The following THOC2 variants were observed in gnomAD, a reference collection of about 807,000 sequenced individuals.
THOC2 encodes THO complex subunit 2, also known as THO complex 2.
THOC2 carries 10 observed loss-of-function variants against 128.4 expected under a neutral mutation model. The ratio of observed to expected loss-of-function variants is 0.08; its 90% CI spans 0.05 to 0.13. The LOEUF is 0.13. Ranked by LOEUF, THOC2 falls within the 10% of genes least tolerant of loss-of-function variation. The pLI is 1.00. For synonymous variants in THOC2, 393 were observed against 396.9 expected, an observed-to-expected ratio of 0.99 and a Z score of 0.12; for missense variants, 535 against 1,155.7, an observed-to-expected ratio of 0.46 and a Z score of 7.79.
Position 123,621,583 on chromosome X carries a change from T to G in THOC2, c.3790A>C (p.Lys1264Gln). The G allele has an allele frequency of 9.0e-7, 1 of 1,110,433 alleles. No individual in the cohort carries two copies. The highest frequency in any genetic ancestry group is 1.2e-6 in the Non-Finnish European group (1 of 831,885). 91.5% of individuals were successfully genotyped at this position (1,110,433 alleles called of 1,213,427 possible). A position where few individuals can be genotyped will look rare whatever the true frequency, so the allele number is the denominator to read the frequency against. ...SNGNSGSNSN[K>Q]AVKENDKEKG... is the part of the protein sequence containing the mutation. ...TCTTTGTCATTTTCTTTAACAGCTT[T>G]GTTGCTTAAGAATAAAAACATGGGA... The change falls in exon 31 of 39, where the codon AAA becomes CAA. Residue 1264 changes from lysine (K) to glutamine (Q), a missense_variant. This residue lies in a region of THOC2 where 116 missense variants were observed against 180.0 expected (regional missense o/e 0.64). Coordinates refer to ENST00000245838, the MANE Select transcript of THOC2 (RefSeq NM_001081550.2).
chrX:123,701,487 GA>G (rs756595635), intron 4 of THOC2, among the ~76,000 whole-genome samples: 60 of 111,205 alleles, frequency 5.4e-4, no homozygotes, highest in Non-Finnish European at 9.8e-4. Flanking sequence ...ACTATGAAGG[GA>G]AAAATATAAT....
Position 123,640,635 on chromosome X carries a change from A to G in THOC2, c.1662-13T>C, listed in dbSNP as rs1278311614. 1.9e-6 allele frequency: 2 copies of G among 1,040,859 alleles called. No individual in the cohort carries two copies. Among genetic ancestry groups the G allele is most frequent in the Non-Finnish European group, 2.6e-6 (2 of 758,305 alleles). The allele number at this position is 1,040,859 out of a possible 1,213,427, so 85.8% of individuals were successfully genotyped here. ...CTTGGTTAGGCGCCTACGGAGGAAG[A>G]AAAAGGTGGCACGGATCATCTTAAG... On this transcript the variant is annotated splice_polypyrimidine_tract_variant and intron_variant, in intron 15 of 38. Transcript: ENST00000245838.
At chrX:123,720,828 T>C (rs763596323) in intron 1 of THOC2, among the ~76,000 whole-genome samples, 24 of 112,183 alleles carry the variant, frequency 2.1e-4, no homozygotes, top group African/African-American at 7.1e-4. Flanking sequence ...ACAAATACTG[T>C]ATGATTCTAC....
intron 12 of THOC2, among the ~76,000 whole-genome samples, chrX:123,658,118 G>A (rs1334508616): frequency 1.8e-5 from 2 of 110,246 alleles, no homozygotes; most frequent in African/African-American, 6.6e-5. Context: ...GTGTTTGAAA[G>A]TGGACTTGGA....
intron 8 of THOC2, among the ~76,000 whole-genome samples, chrX:123,684,730 A>G (rs1253865824): frequency 8.9e-6 from 1 of 111,977 alleles, no homozygotes; most frequent in Non-Finnish European, 1.9e-5. Context: ...CTCCTGCCCA[A>G]AAACCCTACC....
chrX:123,608,068 G>A (rs2046546475), intron 38 of THOC2, among the ~76,000 whole-genome samples: 1 of 110,209 alleles, frequency 9.1e-6, no homozygotes, highest in Non-Finnish European at 1.9e-5. Context: ...GGGCAACATG[G>A]CGAAACCCCG....
chrX:123,724,945 G>A lies in THOC2; in HGVS notation c.71+8007C>T, dbSNP rs1048014442. ...CACAAACAATTAGCAGAGCATGGTAGCACGCGCCTGTGGGCCCAGCTACTC... is the reference window on the plus strand; with the variant it reads ...CACAAACAATTAGCAGAGCATGGTAACACGCGCCTGTGGGCCCAGCTACTC... On this transcript the variant is annotated intron_variant, in intron 1 of 38. Coordinates refer to ENST00000245838, the MANE Select transcript of THOC2 (RefSeq NM_001081550.2). 2.0e-4 allele frequency among the ~76,000 whole-genome samples: 22 copies of A among 110,273 alleles called. No homozygotes were observed. The Admixed American group carries it at 2.1e-3, about 11-fold the overall frequency.
chrX:123,699,597 T>C lies in THOC2; in HGVS notation c.275-1846A>G, dbSNP rs986599526. Among the ~76,000 whole-genome samples, 6 of 110,835 alleles carry C rather than the reference T, an allele frequency of 5.4e-5. No homozygotes were observed. In the Admixed American group the frequency reaches 5.8e-4, roughly 11 times the overall value. On this transcript the variant is annotated intron_variant, in intron 4 of 38. Transcript: ENST00000245838. The stretch of plus-strand genomic sequence containing the variant: ...TGGGGCTAAACTGGGCCCATTCTTT[T>C]ACCCAACATGTATCTATGCTCCAGG...
At chrX:123,644,169 C>A (rs1187796199) in intron 15 of THOC2, among the ~76,000 whole-genome samples, 1 of 112,221 alleles carries the variant, frequency 8.9e-6, no homozygotes, top group East Asian at 2.8e-4. Flanking sequence ...TTCATTAGTT[C>A]TTCCTAACAG....
Position 123,627,939 on chromosome X carries a change from T to A in THOC2, c.2511A>T (p.Glu837Asp). The A allele has an allele frequency of 8.3e-7, 1 of 1,206,462 alleles. No individual in the cohort carries two copies. Among genetic ancestry groups the A allele is most frequent in the Non-Finnish European group, 1.1e-6 (1 of 890,898 alleles). ...SSKYDELKKS[E>D]KGSKQQHKVH... ...CTTTATGTTGCTGTTTACTTCCCTT[T>A]TCTGATTTTTTAAGTTCATCATACT... The change falls in exon 23 of 39, where the codon GAA becomes GAT. Residue 837 changes from glutamate (E) to aspartate (D), a missense_variant. This residue lies in a region of THOC2 where 90 missense variants were observed against 298.6 expected (regional missense o/e 0.30). Coordinates refer to ENST00000245838, the MANE Select transcript of THOC2 (RefSeq NM_001081550.2).
At chrX:123,697,962 T>A (rs1482858027) in intron 4 of THOC2, among the ~76,000 whole-genome samples, 1 of 110,785 alleles carries the variant, frequency 9.0e-6, no homozygotes, top group Admixed American at 9.7e-5. Context: ...GACAGATCCA[T>A]AAAACAGTAC....
intron 1 of THOC2, among the ~76,000 whole-genome samples, chrX:123,721,794 A>T (rs1246890840): frequency 2.7e-5 from 3 of 110,523 alleles, no homozygotes; most frequent in Admixed American, 1.9e-4. Flanking sequence ...TCCAAAAAAA[A>T]AAAATTAAAA....
At chrX:123,703,160 T>C (rs1039755877) in intron 4 of THOC2, among the ~76,000 whole-genome samples, 1 of 112,087 alleles carries the variant, frequency 8.9e-6, no homozygotes, top group African/African-American at 3.2e-5. Flanking sequence ...TAAGATTATT[T>C]GGTTACCAAA....
rs199697859 is a variant in THOC2 at position 123,706,721 on chromosome X, T to TA, written c.222+136dup. Reference sequence around the variant, plus strand: ...TCCATAGTTCTGAGGGGAAAAAAGTTAAAAAAATAAAATTTTAAAAATCCA... The same window carrying TA: ...TCCATAGTTCTGAGGGGAAAAAAGTTAAAAAAAATAAAATTTTAAAAATCCA... On this transcript the variant is annotated intron_variant, in intron 3 of 38. Coordinates refer to ENST00000245838, the MANE Select transcript of THOC2 (RefSeq NM_001081550.2). 1,026 of 306,463 alleles carry TA rather than the reference T, an allele frequency of 3.3e-3. 12 individuals carry two copies. Among genetic ancestry groups the TA allele is most frequent in the African/African-American group, 0.025 (889 of 36,179 alleles). 25.3% of individuals were successfully genotyped at this position (306,463 alleles called of 1,213,427 possible).
At chrX:123,691,998 C>A (rs2050240765) in intron 7 of THOC2, among the ~76,000 whole-genome samples, 1 of 111,922 alleles carries the variant, frequency 8.9e-6, no homozygotes, top group South Asian at 3.7e-4. Flanking sequence ...ACAACAGAAA[C>A]CATATGGTCC....
At chrX:123,693,717 T>G (rs1448721567) in intron 7 of THOC2, among the ~76,000 whole-genome samples, 2 of 111,099 alleles carry the variant, frequency 1.8e-5, no homozygotes, top group African/African-American at 6.6e-5. Flanking sequence ...TCACAGAGCC[T>G]ACATCACAGG....
chrX:123,608,014 C>G (rs1405072022), intron 38 of THOC2, among the ~76,000 whole-genome samples: 1 of 110,558 alleles, frequency 9.0e-6, no homozygotes, highest in Non-Finnish European at 1.9e-5. Flanking sequence ...ATTGGGAGAC[C>G]AAGTCAAGCA....
chrX:123,721,798 A>T (rs1010179449), intron 1 of THOC2, among the ~76,000 whole-genome samples: 1 of 110,353 alleles, frequency 9.1e-6, no homozygotes, highest in African/African-American at 3.3e-5. Flanking sequence ...AAAAAAAAAA[A>T]TTAAAATTAA....
intron 1 of THOC2, among the ~76,000 whole-genome samples, chrX:123,718,773 T>C (rs766137768): frequency 1.8e-5 from 2 of 110,059 alleles, no homozygotes; most frequent in Non-Finnish European, 3.8e-5. Context: ...AAAAAAAGTT[T>C]CTACACAGGA....
Sources: gnomAD v4.1 joint callset for allele counts (sites outside exome capture counted in the v4.1 genomes callset) on GRCh38, gnomAD v4.1.1 for gene constraint, gnomAD v4.1.1 regional missense constraint, MANE v1.5 for transcripts, NCBI Gene and HGNC (gene_info 2026-07-23, HGNC 2026-07-21) for gene names.